Variants in ATXN1 observed in about 807,000 individuals in gnomAD.
The protein encoded by ATXN1 is ataxin-1.
A neutral mutation model predicts 56.4 loss-of-function variants in ATXN1; 8 were observed. The ratio of observed to expected loss-of-function variants is 0.14; its 90% CI spans 0.08 to 0.26. The LOEUF is 0.26. Among genes scored for constraint, ATXN1 ranks in the 10% least tolerant of loss-of-function variants. The pLI, the probability that ATXN1 is intolerant of heterozygous loss-of-function variation, is 1.00. For synonymous variants in ATXN1, 514 were observed against 494.6 expected (o/e 1.04, Z -0.52); for missense variants, 987 against 1,106.5 (o/e 0.89, Z 1.53).
rs563733364 is a variant in ATXN1, at chr6:16,448,750, G to A, written c.-161+37222C>T. On this transcript the variant is annotated intron_variant, in intron 6 of 7. Coordinates refer to ENST00000436367, the MANE Select transcript of ATXN1 (RefSeq NM_001128164.2). ...GTGGAATTTGAAAACCACTGAGCTA[G>A]GCTAAGGCCCAAGAGGAAAGCCTAC... Among the ~76,000 whole-genome samples, 32 of 152,310 alleles carry A rather than the reference G, an allele frequency of 2.1e-4. No homozygotes were observed. In the South Asian group the frequency reaches 6.4e-3, roughly 31 times the overall value.
At chr6:16,380,889 G>T (rs935755215) in intron 6 of ATXN1, among the ~76,000 whole-genome samples, 1 of 152,184 alleles carries the variant, frequency 6.6e-6, no homozygotes, top group Non-Finnish European at 1.5e-5. Context: ...TAATACCTCT[G>T]AATGTGAACT....
chr6:16,727,663 T>A (rs1759879879), intron 2 of ATXN1, among the ~76,000 whole-genome samples: 1 of 152,186 alleles, frequency 6.6e-6, no homozygotes, highest in African/African-American at 2.4e-5. Context: ...ATTTCCTTTA[T>A]TACTGACTCT....
rs538101016 is a variant in ATXN1 at position 16,484,443 on chromosome 6, GA to G, written c.-161+1528del. Among the ~76,000 whole-genome samples, 299 of 151,964 alleles carry G rather than the reference GA, an allele frequency of 2.0e-3. 3 individuals are homozygous for G. The highest frequency in any genetic ancestry group is 5.3e-3 in the African/African-American group (221 of 41,476). ...AGTAAGGCACCACCTCAATTAAAAAGAAAAAAATGAAAATAAGGTAGTATGA... is the reference window on the plus strand; with the variant it reads ...AGTAAGGCACCACCTCAATTAAAAAGAAAAAATGAAAATAAGGTAGTATGA... On this transcript the variant is annotated intron_variant, in intron 6 of 7. Transcript: ENST00000436367.
chr6:16,332,989 T>C (rs533013882), intron 6 of ATXN1, among the ~76,000 whole-genome samples: 1 of 152,352 alleles, frequency 6.6e-6, no homozygotes, highest in South Asian at 2.1e-4. Context: ...GCTATCCGAT[T>C]AAATTTTCTA....
chr6:16,596,351 A>C (rs1207667203), intron 3 of ATXN1, among the ~76,000 whole-genome samples: 1 of 152,156 alleles, frequency 6.6e-6, no homozygotes, highest in Admixed American at 6.5e-5. Context: ...GCTGATTTGC[A>C]TATCTAAAAT....
intron 4 of ATXN1, among the ~76,000 whole-genome samples, chr6:16,544,275 C>A (rs1761770764): frequency 6.6e-6 from 1 of 152,198 alleles, no homozygotes; most frequent in Non-Finnish European, 1.5e-5. Context: ...CCCACAGTAA[C>A]CAGAGCCAGC....
At chr6:16,386,174 T>C (rs9477105) in intron 6 of ATXN1, among the ~76,000 whole-genome samples, 3,542 of 152,314 alleles carry the variant, frequency 0.023, 121 homozygotes, top group African/African-American at 0.081. Flanking sequence ...CAGGAATCTA[T>C]GCAAAAATAA....
At chr6:16,454,125 C>CAAAAAAAAAAAAAA (rs56277549) in intron 6 of ATXN1, among the ~76,000 whole-genome samples, 10 of 76,662 alleles carry the variant, frequency 1.3e-4, no homozygotes, top group Non-Finnish European at 1.6e-4. Flanking sequence ...GACTCTGTCT[C>CAAAAAAAAAAAAAA]AAAAAAAAAA....
intron 7 of ATXN1, among the ~76,000 whole-genome samples, chr6:16,316,590 C>CA (rs1236353725): frequency 6.6e-6 from 1 of 151,112 alleles, no homozygotes; most frequent in Non-Finnish European, 1.5e-5. Flanking sequence ...ACTAAAAATA[C>CA]AAAAAAATTA....
intron 6 of ATXN1, among the ~76,000 whole-genome samples, chr6:16,480,256 T>G (rs1394826983): frequency 6.6e-6 from 1 of 151,976 alleles, no homozygotes; most frequent in Non-Finnish European, 1.5e-5. Flanking sequence ...TTGTCAGTGT[T>G]CAAACCAAAC....
intron 3 of ATXN1, among the ~76,000 whole-genome samples, chr6:16,587,114 G>A (rs1762640084): frequency 6.6e-6 from 1 of 152,002 alleles, no homozygotes; most frequent in Non-Finnish European, 1.5e-5. Context: ...GGATTTGACT[G>A]TACTTTGATT....
chr6:16,401,643 C>CCT (rs1554143634), intron 6 of ATXN1, among the ~76,000 whole-genome samples: 2 of 151,980 alleles, frequency 1.3e-5, no homozygotes, highest in African/African-American at 4.8e-5. Flanking sequence ...GGTGGACACA[C>CCT]TTTGAGTCTC....
intron 6 of ATXN1, among the ~76,000 whole-genome samples, chr6:16,413,807 A>T (rs1758849865): frequency 6.6e-6 from 1 of 152,220 alleles, no homozygotes; most frequent in Non-Finnish European, 1.5e-5. Context: ...TCCATCAGCC[A>T]CTAAACTTAG....
intron 3 of ATXN1, among the ~76,000 whole-genome samples, chr6:16,611,805 G>A (rs1187786608): frequency 6.8e-6 from 1 of 147,496 alleles, no homozygotes. Context: ...TAATGTTAAA[G>A]TCTACCCCAC....
chr6:16,340,781 T>C (rs1761228205), intron 6 of ATXN1, among the ~76,000 whole-genome samples: 1 of 152,218 alleles, frequency 6.6e-6, no homozygotes, highest in South Asian at 2.1e-4. Context: ...AAGAATGCCT[T>C]GTGAAACAAT....
At chr6:16,324,319 T>C (rs903797182) in intron 7 of ATXN1, among the ~76,000 whole-genome samples, 7 of 151,984 alleles carry the variant, frequency 4.6e-5, no homozygotes, top group African/African-American at 1.7e-4. Context: ...GGCATGGTGG[T>C]ATGCACCTGT....
Position 16,613,649 on chromosome 6 carries a change from C to T in ATXN1, c.-488-27742G>A, listed in dbSNP as rs1053536340. The stretch of plus-strand genomic sequence containing the variant: ...ACCAGCCTGAGCAATATAGTGAGAC[C>T]CCATCTCTACAAAAAAGTTAAAAAA... On this transcript the variant is annotated intron_variant, in intron 3 of 7. Transcript: ENST00000436367. 5.3e-5 allele frequency among the ~76,000 whole-genome samples: 8 copies of T among 151,400 alleles called. No homozygotes were observed. In the East Asian group the frequency reaches 1.6e-3, roughly 30 times the overall value.
At chr6:16,574,203 T>TATTC (rs748701963) in intron 4 of ATXN1, among the ~76,000 whole-genome samples, 5 of 151,914 alleles carry the variant, frequency 3.3e-5, no homozygotes, top group Non-Finnish European at 5.9e-5. Context: ...ATTTTTGTAT[T>TATTC]ATTTATTTAT....
chr6:16,326,250 C>A lies in ATXN1; in HGVS notation c.1917+144G>T. Reference sequence around the variant, plus strand: ...AATGGGGCTTATTTTTTCTAGAGAACGCAGTTGGGAAAGGCCGAGTCTAAG... The same window carrying A: ...AATGGGGCTTATTTTTTCTAGAGAAAGCAGTTGGGAAAGGCCGAGTCTAAG... On this transcript the variant is annotated intron_variant, in intron 7 of 7. Transcript: ENST00000436367. This position sits in a 1 kb window ranked among gnomAD's most constrained non-coding sequence, Gnocchi z 6.6. The A allele has an allele frequency of 1.4e-6, 2 of 1,416,432 alleles. No homozygotes were observed. Among genetic ancestry groups the A allele is most frequent in the Non-Finnish European group, 1.9e-6 (2 of 1,080,890 alleles). 87.7% of individuals were successfully genotyped at this position (1,416,432 alleles called of 1,614,324 possible). A position where few individuals can be genotyped will look rare whatever the true frequency, so the allele number is the denominator to read the frequency against.
Sources: gnomAD v4.1 joint callset for allele counts (sites outside exome capture counted in the v4.1 genomes callset) on GRCh38, gnomAD v4.1.1 for gene constraint, Gnocchi (gnomAD v3.1) non-coding constraint, MANE v1.5 for transcripts, NCBI Gene and HGNC (gene_info 2026-07-23, HGNC 2026-07-21) for gene names.